Variants in ARB2A observed in about 807,000 individuals in gnomAD.
ARB2A encodes the protein ARB2 cotranscriptional regulator A, also known as cotranscriptional regulator ARB2A.
At chr5:94,079,111 T>C in the ARB2A span, among the ~76,000 whole-genome samples, 1 of 152,182 alleles carries the variant, frequency 6.6e-6, no homozygotes, top group Non-Finnish European at 1.5e-5. Flanking sequence ...ACAACAAATA[T>C]CTGTTAACTT....
At chr5:93,912,721 T>G in the ARB2A span, among the ~76,000 whole-genome samples, 1 of 151,844 alleles carries the variant, frequency 6.6e-6, no homozygotes, top group Non-Finnish European at 1.5e-5. Flanking sequence ...AATTTAAAAT[T>G]TCATAGTATA....
At chr5:93,980,203 T>C in the ARB2A span, among the ~76,000 whole-genome samples, 1 of 152,174 alleles carries the variant, frequency 6.6e-6, no homozygotes, top group Admixed American at 6.5e-5. Flanking sequence ...TGTCAGCCTT[T>C]GTCTGAAAAT....
chr5:94,053,115 A>AGATAGAT, the ARB2A span: 158 of 1,461,832 alleles, frequency 1.1e-4, no homozygotes, highest in Middle Eastern at 1.8e-4. Flanking sequence ...ATAGATAGAT[A>AGATAGAT]ACCCACTTAC....
At chr5:93,682,397 C>A in the ARB2A span, among the ~76,000 whole-genome samples, 28 of 152,046 alleles carry the variant, frequency 1.8e-4, no homozygotes, top group African/African-American at 6.8e-4. Context: ...GACTTCCCAC[C>A]TTGTAAAAAG....
the ARB2A span, among the ~76,000 whole-genome samples, chr5:93,779,898 C>T: frequency 1.3e-5 from 2 of 152,068 alleles, no homozygotes; most frequent in African/African-American, 4.8e-5. Flanking sequence ...CTACAGGCCC[C>T]AGTGCTGAGT....
the ARB2A span, among the ~76,000 whole-genome samples, chr5:93,851,950 G>A: frequency 2.0e-5 from 3 of 152,124 alleles, no homozygotes; most frequent in Non-Finnish European, 2.9e-5. Flanking sequence ...ATGATTTATA[G>A]TCCTTTGTGT....
At chr5:94,040,534 T>A in the ARB2A span, among the ~76,000 whole-genome samples, 3 of 125,720 alleles carry the variant, frequency 2.4e-5, no homozygotes, top group Admixed American at 9.1e-5. Context: ...CCCCAGTATG[T>A]GATATTCCCC....
chr5:93,670,533 C>G, the ARB2A span, among the ~76,000 whole-genome samples: 3 of 152,188 alleles, frequency 2.0e-5, no homozygotes, highest in Non-Finnish European at 4.4e-5. Flanking sequence ...CAGCATAACT[C>G]AGGGCCATGT....
At chr5:93,861,512 T>G in the ARB2A span, 1 of 152,222 alleles carries the variant, frequency 6.6e-6, no homozygotes. Context: ...TAGGGTCATG[T>G]GTTCTTTGAT....
chr5:93,881,496 T>C, the ARB2A span: 8 of 1,610,614 alleles, frequency 5.0e-6, no homozygotes, highest in East Asian at 1.8e-4. Context: ...ATCATTTCTT[T>C]TTCTCTTTGG....
chr5:94,030,010 G>A, the ARB2A span, among the ~76,000 whole-genome samples: 1 of 152,192 alleles, frequency 6.6e-6, no homozygotes, highest in African/African-American at 2.4e-5. Context: ...GTTTGTGCAG[G>A]GAAACTCCTC....
chr5:93,649,620 C>T, the ARB2A span, among the ~76,000 whole-genome samples: 1 of 152,134 alleles, frequency 6.6e-6, no homozygotes, highest in Admixed American at 6.5e-5. Flanking sequence ...GAATTTTGAA[C>T]GTGTTTGCAT....
the ARB2A span, among the ~76,000 whole-genome samples, chr5:93,678,526 T>G: frequency 6.6e-6 from 1 of 152,020 alleles, no homozygotes; most frequent in South Asian, 2.1e-4. Context: ...GAGCCCGAGG[T>G]GGGTGGATCA....
the ARB2A span, among the ~76,000 whole-genome samples, chr5:93,815,518 C>G: frequency 6.6e-6 from 1 of 152,164 alleles, no homozygotes; most frequent in Non-Finnish European, 1.5e-5. Flanking sequence ...TTATTCCATT[C>G]TAATCTAAGC....
the ARB2A span, among the ~76,000 whole-genome samples, chr5:93,972,599 C>T: frequency 1.3e-5 from 2 of 152,058 alleles, no homozygotes; most frequent in Non-Finnish European, 2.9e-5. Context: ...AGCAATGGAT[C>T]CTAACCAGAA....
the ARB2A span, among the ~76,000 whole-genome samples, chr5:93,765,703 G>C: frequency 6.6e-6 from 1 of 152,022 alleles, no homozygotes; most frequent in Admixed American, 6.5e-5. Flanking sequence ...AGTTCATATG[G>C]AACCAAAAAA....
At chr5:93,950,429 G>A in the ARB2A span, among the ~76,000 whole-genome samples, 1 of 152,110 alleles carries the variant, frequency 6.6e-6, no homozygotes, top group East Asian at 1.9e-4. Context: ...GATCACTTGA[G>A]GTCAGGAGTT....
At chr5:93,909,110 A>G in the ARB2A span, among the ~76,000 whole-genome samples, 1 of 151,094 alleles carries the variant, frequency 6.6e-6, no homozygotes, top group Non-Finnish European at 1.5e-5. Flanking sequence ...ATTTTCAAAT[A>G]TATTTTAATT....
the ARB2A span, among the ~76,000 whole-genome samples, chr5:93,752,038 C>T: frequency 6.6e-6 from 1 of 152,068 alleles, no homozygotes; most frequent in East Asian, 1.9e-4. Flanking sequence ...GTCTTCAGGT[C>T]GGGGAAACTG....
Sources: allele counts gnomAD v4.1 joint callset (sites outside exome capture counted in the v4.1 genomes callset), GRCh38; gene constraint gnomAD v4.1.1; transcripts MANE v1.5; gene names NCBI Gene and HGNC (gene_info 2026-07-23, HGNC 2026-07-21).